The following RRBP1 variants were observed in gnomAD, a reference collection of about 807,000 sequenced individuals.
RRBP1 encodes ribosome binding protein 1.
RRBP1 carries 94 observed loss-of-function variants against 165.2 expected under a neutral mutation model. The observed-to-expected ratio is 0.57, with a 90% CI of 0.48 to 0.68. The LOEUF (loss-of-function observed/expected upper bound fraction) is 0.68. Ranked by LOEUF, RRBP1 falls within the 30% of genes least tolerant of loss-of-function variation. RRBP1 has a pLI of 0.00. For synonymous variants in RRBP1, 680 were observed against 714.5 expected (o/e 0.95, Z 0.77); for missense variants, 1,676 against 1,763.0 (o/e 0.95, Z 0.88).
At chr20:17,626,714 G>A (rs574053159) in intron 11 of RRBP1, among the ~76,000 whole-genome samples, 18 of 152,236 alleles carry the variant, frequency 1.2e-4, no homozygotes, top group Admixed American at 2.6e-4. Flanking sequence ...CAGAAGTGAT[G>A]GTCACAAGGA....
chr20:17,671,161 T>C (rs1042154865), intron 2 of RRBP1, among the ~76,000 whole-genome samples: 3 of 152,338 alleles, frequency 2.0e-5, no homozygotes, highest in East Asian at 1.9e-4. Flanking sequence ...TTTTTCAAAT[T>C]TGCTAGGTCA....
intron 19 of RRBP1, 63 bp from the exon 20 acceptor site, chr20:17,618,742 C>T (rs894493395): frequency 9.1e-5 from 115 of 1,262,248 alleles, no homozygotes; most frequent in African/African-American, 2.1e-4. Flanking sequence ...AACCAGTCCC[C>T]GTGAGTTAGC....
At chr20:17,668,144 T>C (rs1247456209) in intron 2 of RRBP1, among the ~76,000 whole-genome samples, 1 of 152,222 alleles carries the variant, frequency 6.6e-6, no homozygotes, top group Admixed American at 6.5e-5. Context: ...AGGAGTTATG[T>C]TATTCTTCAA....
In RRBP1 at chr20:17,625,524, T is replaced by C. The variant is rs759608288; in HGVS notation, c.3042A>G (p.Lys1014=). 2 of 1,613,808 alleles carry C rather than the reference T, an allele frequency of 1.2e-6. No homozygotes were observed. The highest frequency in any genetic ancestry group is 1.7e-6 in the Non-Finnish European group (2 of 1,179,906). Residue 1014 remains lysine, a synonymous_variant, in exon 12 of 25, where the codon AAA becomes AAG. Transcript: ENST00000377813. ...CTGCCGCACTCACATTGTTCTTCAC[T>C]TTCTGCTGCTCGACGGCCTCCCTGA... ...IELREAVEQQ[K]VKNNDLREKN... is the part of the protein sequence containing the mutation.
At chr20:17,633,708 T>A in intron 7 of RRBP1, 95 bp from the exon 8 acceptor site, 2 of 1,301,696 alleles carry the variant, frequency 1.5e-6, no homozygotes, top group Non-Finnish European at 2.1e-6. Flanking sequence ...CTCTTGTAAG[T>A]AAGCAGTTGC....
rs1049175336 is a variant in RRBP1, at chr20:17,643,551, C to G, written c.1913-424G>C. ...TCTCCCCACTGGCTGTGACTGAGCC[C>G]CGTGGCCTTGTGGGACCTGACTGGG... On this transcript the variant is annotated intron_variant, in intron 3 of 24. Transcript: ENST00000377813. The surrounding 1 kb of genome is among the most constrained non-coding windows in gnomAD (Gnocchi z 4.3). 5.9e-5 allele frequency among the ~76,000 whole-genome samples: 9 copies of G among 152,140 alleles called. No individual in the cohort carries two copies. Among genetic ancestry groups the G allele is most frequent in the African/African-American group, 2.2e-4 (9 of 41,422 alleles).
rs375967569 is a variant in RRBP1 at position 17,641,930 on chromosome 20, C to G, written c.2062-11G>C. 10 of 1,611,188 alleles carry G rather than the reference C, an allele frequency of 6.2e-6. No homozygotes were observed. Among genetic ancestry groups the G allele is most frequent in the Non-Finnish European group, 7.6e-6 (9 of 1,177,750 alleles). ...ACCCTTCTGAGTGGCCTAGAAATAC[C>G]CAGAGATGCGTTAACAGAGGGGACA... On this transcript the variant is annotated splice_polypyrimidine_tract_variant and intron_variant, in intron 4 of 24. Coordinates refer to ENST00000377813, the MANE Select transcript of RRBP1 (RefSeq NM_001365613.2).
chr20:17,658,482 C>A, intron 3 of RRBP1, 114 bp downstream of exon 3: 1 of 871,584 alleles, frequency 1.1e-6, no homozygotes, highest in South Asian at 2.1e-5. Context: ...ATGTTTGTTA[C>A]GCAGCCTTAT....
rs2036410869 is a variant in RRBP1, at chr20:17,643,692, T to C, written c.1913-565A>G. 6.6e-6 allele frequency among the ~76,000 whole-genome samples: 1 copy of C among 152,100 alleles called. No individual in the cohort carries two copies. Among genetic ancestry groups the C allele is most frequent in the Admixed American group, 6.5e-5 (1 of 15,272 alleles). On this transcript the variant is annotated intron_variant, in intron 3 of 24. Transcript: ENST00000377813. This position sits in a 1 kb window ranked among gnomAD's most constrained non-coding sequence, Gnocchi z 4.3. ...CACACATCAGTGCAAACCCTATTTC[T>C]AGCTCCCTGGATGAAGCCCAGGCAG...
chr20:17,646,524 A>G (rs1441311563), intron 3 of RRBP1, among the ~76,000 whole-genome samples: 1 of 152,186 alleles, frequency 6.6e-6, no homozygotes, highest in African/African-American at 2.4e-5. Context: ...CTTGCCTACA[A>G]AACGGGGATG....
chr20:17,644,892 A>G (rs1007610316), intron 3 of RRBP1, among the ~76,000 whole-genome samples: 1 of 152,272 alleles, frequency 6.6e-6, no homozygotes, highest in African/African-American at 2.4e-5. Flanking sequence ...TGTATCGTTA[A>G]CATTCAGTCC....
At chr20:17,654,965 G>C (rs571114983) in intron 3 of RRBP1, among the ~76,000 whole-genome samples, 1 of 152,304 alleles carries the variant, frequency 6.6e-6, no homozygotes, top group African/African-American at 2.4e-5. Flanking sequence ...GGCAAAGAGA[G>C]TATTTAAGAT....
chr20:17,660,014 G>A lies in RRBP1; in HGVS notation c.494C>T (p.Ser165Leu), dbSNP rs142603533. ...SVVNSIQVLTSKAAILETAPK... is the reference protein window; with the variant it reads ...SVVNSIQVLTLKAAILETAPK... ...AGCAGTTTCCAAGATGGCAGCCTTC[G>A]AAGTGAGAACCTGGATGGAATTCAC... Residue 165 changes from serine to leucine, a missense_variant, in exon 3 of 25, where the codon TCG becomes TTG. By Grantham distance (145) the Ser-to-Leu change is moderately radical (BLOSUM62 -2). Coordinates refer to ENST00000377813, the MANE Select transcript of RRBP1 (RefSeq NM_001365613.2). 1.2e-4 allele frequency: 200 copies of A among 1,612,752 alleles called. 1 individual carries two copies. The African/African-American group carries it at 2.3e-3, about 18-fold the overall frequency.
At chr20:17,615,881 G>T in intron 22 of RRBP1, 45 bp downstream of exon 22, 2 of 1,519,970 alleles carry the variant, frequency 1.3e-6, no homozygotes, top group Non-Finnish European at 1.8e-6. Context: ...GAGACTCAGG[G>T]CCCAGGGGCT....
chr20:17,659,102 C>T lies in RRBP1; in HGVS notation c.1406G>A (p.Gly469Asp), dbSNP rs781221493. 2 of 1,539,910 alleles carry T rather than the reference C, an allele frequency of 1.3e-6. No individual in the cohort carries two copies. The highest frequency in any genetic ancestry group is 2.4e-5 in the South Asian group (2 of 83,508). ...GKKAEGAQNQ[G>D]KKVEGAQNQG... is the part of the protein sequence containing the mutation. The stretch of plus-strand genomic sequence containing the variant: ...GTTCTGGGCCCCTTCTACTTTTTTG[C>T]CCTGGTTCTGAGCACCCTCGGCCTT... Residue 469 changes from glycine (G) to aspartate (D), a missense_variant, in exon 3 of 25, where the codon GGC becomes GAC. Transcript: ENST00000377813.
intron 5 of RRBP1, among the ~76,000 whole-genome samples, chr20:17,639,622 G>A (rs940666466): frequency 5.3e-5 from 8 of 152,172 alleles, no homozygotes; most frequent in South Asian, 2.1e-4. Context: ...GGCCAGGGAC[G>A]GTGGCTCGCA....
intron 21 of RRBP1, among the ~76,000 whole-genome samples, chr20:17,616,520 A>C (rs911346): frequency 0.99 from 150,292 of 152,226 alleles, 74,224 homozygotes; most frequent in East Asian, 1. Flanking sequence ...ACCTCCCCCC[A>C]ACTCCTCCAG....
Position 17,660,007 on chromosome 20 carries a change from A to G in RRBP1, c.501T>C (p.Ala167=), listed in dbSNP as rs750114738. 12 of 1,612,232 alleles carry G rather than the reference A, an allele frequency of 7.4e-6. No homozygotes were observed. In the East Asian group the frequency reaches 2.7e-4, roughly 36 times the overall value. ...VNSIQVLTSK[A]AILETAPKEV... ...CCTTGGGAGCAGTTTCCAAGATGGC[A>G]GCCTTCGAAGTGAGAACCTGGATGG... Residue 167 remains alanine, a synonymous_variant, in exon 3 of 25, where the codon GCT becomes GCC. Coordinates refer to ENST00000377813, the MANE Select transcript of RRBP1 (RefSeq NM_001365613.2).
In RRBP1 at chr20:17,643,026, CGAT is replaced by C. The variant is rs2036395423; in HGVS notation, c.2011_2013del (p.Ile671del). 1 of 1,614,076 alleles carries C rather than the reference CGAT, an allele frequency of 6.2e-7. No homozygotes were observed. The highest frequency in any genetic ancestry group is 8.5e-7 in the Non-Finnish European group (1 of 1,180,030). ...ATGCCAGCCTTCTCAGACAGGATCT[CGAT>C]GAGCCGCTGGGCCTCGCCCTCGTTG... On this transcript the variant is annotated inframe_deletion, in exon 4 of 25. Coordinates refer to ENST00000377813, the MANE Select transcript of RRBP1 (RefSeq NM_001365613.2). This position sits in a 1 kb window ranked among gnomAD's most constrained non-coding sequence, Gnocchi z 4.3.
Sources: gnomAD v4.1 joint callset for allele counts (sites outside exome capture counted in the v4.1 genomes callset) on GRCh38, gnomAD v4.1.1 for gene constraint, Gnocchi (gnomAD v3.1) non-coding constraint, MANE v1.5 for transcripts, NCBI Gene and HGNC (gene_info 2026-07-23, HGNC 2026-07-21) for gene names.